The following ENPP6 variants were observed in gnomAD, a reference collection of about 807,000 sequenced individuals.
ENPP6 encodes ectonucleotide pyrophosphatase/phosphodiesterase 6.
ENPP6 carries 32 observed loss-of-function variants against 42.0 expected under a neutral mutation model. The ratio of observed to expected loss-of-function variants is 0.76; its 90% confidence interval spans 0.58 to 1.02. The LOEUF is 1.02. Among genes scored for constraint, ENPP6 ranks in the 50% least tolerant of loss-of-function variants. ENPP6 has a pLI of 0.00. For synonymous variants in ENPP6, 213 were observed against 216.0 expected, an observed-to-expected ratio of 0.99 and a Z score of 0.12; for missense variants, 552 against 566.8, an observed-to-expected ratio of 0.97 and a Z score of 0.27.
intron 7 of ENPP6, among the ~76,000 whole-genome samples, chr4:184,095,037 G>C (rs1560975926): frequency 6.6e-6 from 1 of 152,210 alleles, no homozygotes; most frequent in Non-Finnish European, 1.5e-5. Context: ...TAAAGGCCTT[G>C]CTCTTAAATT....
At chr4:184,209,617 AC>A (rs1733075366) in intron 1 of ENPP6, among the ~76,000 whole-genome samples, 1 of 151,234 alleles carries the variant, frequency 6.6e-6, no homozygotes, top group African/African-American at 2.4e-5. Context: ...TGATTTGTGT[AC>A]CTGAAAGTGA....
At chr4:184,122,411 C>G (rs1318715292) in intron 3 of ENPP6, among the ~76,000 whole-genome samples, 1 of 148,448 alleles carries the variant, frequency 6.7e-6, no homozygotes, top group African/African-American at 2.6e-5. Context: ...CATACACCAC[C>G]ACCACCACCA....
At chr4:184,138,639 G>A (rs1243698532) in intron 2 of ENPP6, among the ~76,000 whole-genome samples, 2 of 152,176 alleles carry the variant, frequency 1.3e-5, no homozygotes, top group Admixed American at 6.5e-5. Context: ...AGGTATGGAC[G>A]TTGAGGATCT....
chr4:184,113,911 C>CTTTCT (rs1553995025), intron 5 of ENPP6, among the ~76,000 whole-genome samples: 3 of 121,184 alleles, frequency 2.5e-5, no homozygotes, highest in African/African-American at 6.2e-5. Flanking sequence ...TTCTTTCTTT[C>CTTTCT]TTTCTTTCTT....
At chr4:184,101,208 T>G (rs1380674871) in intron 6 of ENPP6, among the ~76,000 whole-genome samples, 1 of 151,778 alleles carries the variant, frequency 6.6e-6, no homozygotes, top group African/African-American at 2.4e-5. Flanking sequence ...AGTGTGTGAG[T>G]GCATGAGTGT....
At chr4:184,125,074 G>A (rs958607631) in intron 2 of ENPP6, among the ~76,000 whole-genome samples, 1 of 152,224 alleles carries the variant, frequency 6.6e-6, no homozygotes, top group Non-Finnish European at 1.5e-5. Flanking sequence ...GAGTGGATCT[G>A]GTAGGGTCTC....
Position 184,139,850 on chromosome 4 carries a change from T to C in ENPP6, c.421+13704A>G, listed in dbSNP as rs79574247. ...CATGTGTCTTTATAGCAGCATGATT[T>C]ATAGTCATTTGGGTATATATCCAGT... On this transcript the variant is annotated intron_variant, in intron 2 of 7. Transcript: ENST00000296741. 1.0e-2 allele frequency among the ~76,000 whole-genome samples: 547 copies of C among 54,752 alleles called. 25 individuals carry two copies. Among genetic ancestry groups the C allele is most frequent in the Middle Eastern group, 0.027 (3 of 110 alleles). The allele number at this position is 54,752 out of a possible 152,430, so 35.9% of individuals were successfully genotyped here. A position where few individuals can be genotyped will look rare whatever the true frequency, so the allele number is the denominator to read the frequency against.
intron 2 of ENPP6, among the ~76,000 whole-genome samples, chr4:184,140,509 C>T (rs1365455069): frequency 6.9e-6 from 1 of 144,586 alleles, no homozygotes; most frequent in African/African-American, 2.6e-5. Flanking sequence ...GCTACAGTAA[C>T]CAAAACAGCA....
At chr4:184,210,784 AT>A (rs1486063452) in intron 1 of ENPP6, among the ~76,000 whole-genome samples, 1 of 151,948 alleles carries the variant, frequency 6.6e-6, no homozygotes, top group Non-Finnish European at 1.5e-5. Context: ...CAGAATATAC[AT>A]TTTTTTCAGC....
At chr4:184,188,516 T>C (rs1732669468) in intron 1 of ENPP6, among the ~76,000 whole-genome samples, 1 of 152,154 alleles carries the variant, frequency 6.6e-6, no homozygotes, top group African/African-American at 2.4e-5. Context: ...CCTGAAGCTG[T>C]GTCACAGTCT....
chr4:184,117,567 CCTGG>C (rs1736341028), intron 4 of ENPP6, among the ~76,000 whole-genome samples, 188 bp downstream of exon 4: 1 of 152,184 alleles, frequency 6.6e-6, no homozygotes, highest in Non-Finnish European at 1.5e-5. Context: ...CTCTCACTGG[CCTGG>C]CTGTGGAACA....
At chr4:184,200,301 C>T (rs749942248) in intron 1 of ENPP6, among the ~76,000 whole-genome samples, 2 of 152,216 alleles carry the variant, frequency 1.3e-5, no homozygotes, top group Non-Finnish European at 2.9e-5. Flanking sequence ...CCACTCGGCA[C>T]ATCTGTTGGT....
intron 2 of ENPP6, among the ~76,000 whole-genome samples, chr4:184,140,160 T>C (rs1409296581): frequency 6.6e-6 from 1 of 152,066 alleles, no homozygotes; most frequent in Non-Finnish European, 1.5e-5. Flanking sequence ...TGTCTTCAAA[T>C]ACCTAGGAAT....
rs375812222 is a variant in ENPP6, at chr4:184,208,895, G to T, written c.241+8684C>A. Among the ~76,000 whole-genome samples the T allele has an allele frequency of 9.4e-4, 135 of 143,122 alleles. 1 individual carries two copies. The highest frequency in any genetic ancestry group is 5.2e-3 in the East Asian group (26 of 5,014). 93.9% of individuals were successfully genotyped at this position (143,122 alleles called of 152,430 possible). On this transcript the variant is annotated intron_variant, in intron 1 of 7. Coordinates refer to ENST00000296741, the MANE Select transcript of ENPP6 (RefSeq NM_153343.4). ...AGCACGCAGCTGGAGATCTGAGAAC[G>T]GGCAGACTGCCTCCTCAAGTGGGTC...
chr4:184,094,099 G>T (rs908373758), intron 7 of ENPP6, among the ~76,000 whole-genome samples: 7 of 151,982 alleles, frequency 4.6e-5, no homozygotes, highest in African/African-American at 1.7e-4. Context: ...TGGGCAATAT[G>T]GCAAGACCTC....
rs1331051871 is a variant in ENPP6, at chr4:184,168,593, C to T, written c.242-14860G>A. Among the ~76,000 whole-genome samples, 27 of 152,232 alleles carry T rather than the reference C, an allele frequency of 1.8e-4. 1 individual carries two copies. Among genetic ancestry groups the T allele is most frequent in the Admixed American group, 1.8e-3 (27 of 15,290 alleles). On this transcript the variant is annotated intron_variant, in intron 1 of 7. Coordinates refer to ENST00000296741, the MANE Select transcript of ENPP6 (RefSeq NM_153343.4). ...TGAGCCTGGCCACGCTGGCCCGCCA[C>T]TGCCCTCTGCTGGCGGCTGCGGTCT... is the stretch of plus-strand genomic sequence containing the variant.
intron 1 of ENPP6, among the ~76,000 whole-genome samples, chr4:184,215,685 A>G (rs916311337): frequency 6.6e-6 from 1 of 152,200 alleles, no homozygotes; most frequent in East Asian, 1.9e-4. Flanking sequence ...CTTCCACATC[A>G]GTGAATACAT....
chr4:184,165,701 C>T (rs1190082414), intron 1 of ENPP6, among the ~76,000 whole-genome samples: 1 of 152,222 alleles, frequency 6.6e-6, no homozygotes, highest in Non-Finnish European at 1.5e-5. Context: ...TAAGCTTCCT[C>T]TTCCTCTGGA....
chr4:184,127,720 G>T (rs533625652), intron 2 of ENPP6, among the ~76,000 whole-genome samples: 4 of 152,314 alleles, frequency 2.6e-5, no homozygotes, highest in Non-Finnish European at 5.9e-5. Flanking sequence ...TTGAGCCATT[G>T]CACTCCAGCC....
Sources: allele counts gnomAD v4.1 joint callset (sites outside exome capture counted in the v4.1 genomes callset), GRCh38; gene constraint gnomAD v4.1.1; transcripts MANE v1.5; gene names NCBI Gene and HGNC (gene_info 2026-07-23, HGNC 2026-07-21).